Variants in CACNA1B observed in about 807,000 individuals in gnomAD.
CACNA1B encodes voltage-dependent N-type calcium channel subunit alpha-1B.
CACNA1B carries 70 observed loss-of-function variants against 247.2 expected under a neutral mutation model. That is an observed-to-expected ratio of 0.28 (90% CI 0.23 to 0.35). CACNA1B has a LOEUF of 0.35. Among genes scored for constraint, CACNA1B ranks in the 10% least tolerant of loss-of-function variants. The pLI, the probability that CACNA1B is intolerant of heterozygous loss-of-function variation, is 1.00. For missense variants in CACNA1B, 2,367 were observed against 3,197.4 expected (o/e 0.74, Z 6.26); for synonymous variants, 1,231 against 1,294.4 (o/e 0.95, Z 1.05).
At position 137,880,257 on chromosome 9, in the gene CACNA1B, C is replaced by A. The variant is rs906775150; in HGVS notation, c.390+1098C>A. On this transcript the variant is annotated intron_variant, in intron 2 of 46. Coordinates refer to ENST00000371372, the MANE Select transcript of CACNA1B (RefSeq NM_000718.4). The surrounding 1 kb of genome is among the most constrained non-coding windows in gnomAD (Gnocchi z 4.8). ...CCGAGGTGAGGAGGTCTTAATGGAG[C>A]ACAGTCTGGAATGCCCAGTGGTCTG... Among the ~76,000 whole-genome samples, 3 of 152,092 alleles carry A rather than the reference C, an allele frequency of 2.0e-5. No individual in the cohort carries two copies. Among genetic ancestry groups the A allele is most frequent in the African/African-American group, 7.2e-5 (3 of 41,410 alleles).
At chr9:137,920,511 T>C (rs997833667) in intron 6 of CACNA1B, among the ~76,000 whole-genome samples, 1 of 152,228 alleles carries the variant, frequency 6.6e-6, no homozygotes, top group Non-Finnish European at 1.5e-5. Context: ...CACTTTCAAC[T>C]GCCGAGTTGA....
chr9:137,912,724 T>C (rs1349513007), intron 3 of CACNA1B, among the ~76,000 whole-genome samples: 2 of 151,544 alleles, frequency 1.3e-5, no homozygotes, highest in Non-Finnish European at 2.9e-5. Context: ...TATATGGGGG[T>C]CGGTTCAGGA....
At chr9:137,883,778 A>T (rs867347813) in intron 3 of CACNA1B, among the ~76,000 whole-genome samples, 214 of 152,222 alleles carry the variant, frequency 1.4e-3, no homozygotes, top group Middle Eastern at 3.4e-3. Context: ...CCTGAGCCTT[A>T]TGGTTCCGAG....
At chr9:138,114,181 G>A (rs1961771695) in intron 40 of CACNA1B, among the ~76,000 whole-genome samples, 197 bp from the exon 41 acceptor site, 1 of 152,152 alleles carries the variant, frequency 6.6e-6, no homozygotes, top group Non-Finnish European at 1.5e-5. Flanking sequence ...GTCAGCATCT[G>A]GAGGAGCCCT....
intron 12 of CACNA1B, among the ~76,000 whole-genome samples, 164 bp downstream of exon 12, chr9:137,976,183 C>T (rs1031062605): frequency 1.3e-5 from 2 of 152,278 alleles, no homozygotes; most frequent in African/African-American, 4.8e-5. Context: ...CAGCGGGAGG[C>T]CTGTCCTGGC....
At chr9:138,042,846 G>T (rs748824205) in intron 20 of CACNA1B, among the ~76,000 whole-genome samples, 22 of 152,120 alleles carry the variant, frequency 1.4e-4, no homozygotes, top group Non-Finnish European at 3.1e-4. Flanking sequence ...TCCACAGCGG[G>T]CTCTGGGGAT....
rs1475742841 is a variant in CACNA1B, at chr9:138,120,804, C to A, written c.6412C>A (p.Pro2138Thr). 6.4e-7 allele frequency: 1 copy of A among 1,558,748 alleles called. No homozygotes were observed. Among genetic ancestry groups the A allele is most frequent in the Admixed American group, 1.9e-5 (1 of 51,312 alleles). Residue 2138 changes from proline (P) to threonine (T), a missense_variant, in exon 46 of 47, where the codon CCC becomes ACC. Transcript: ENST00000371372. Reference sequence around the variant, plus strand: ...CTGCGACCGCTTTGGGGGCCGTGAGCCCCCGAAGCCCAAGCCCTCCCTCAG... The same window carrying A: ...CTGCGACCGCTTTGGGGGCCGTGAGACCCCGAAGCCCAAGCCCTCCCTCAG... ...YSCDRFGGRE[P>T]PKPKPSLSSH...
intron 37 of CACNA1B, among the ~76,000 whole-genome samples, chr9:138,099,750 C>T (rs927703752): frequency 6.6e-6 from 1 of 152,204 alleles, no homozygotes; most frequent in African/African-American, 2.4e-5. Flanking sequence ...GCGCATGTGC[C>T]TGTGTCGGTG....
chr9:137,880,504 G>T lies in CACNA1B; in HGVS notation c.390+1345G>T, dbSNP rs186679489. Among the ~76,000 whole-genome samples, 197 of 152,358 alleles carry T rather than the reference G, an allele frequency of 1.3e-3. No individual in the cohort carries two copies. Among genetic ancestry groups the T allele is most frequent in the Non-Finnish European group, 2.6e-3 (178 of 68,022 alleles). On this transcript the variant is annotated intron_variant, in intron 2 of 46. Coordinates refer to ENST00000371372, the MANE Select transcript of CACNA1B (RefSeq NM_000718.4). The surrounding 1 kb of genome is among the most constrained non-coding windows in gnomAD (Gnocchi z 4.8). ...CCAGGGTCAGAGGGACGCAGGCCCA[G>T]GAGCCAGGCCGGGGCGGGGGCAGGG...
At chr9:138,033,352 A>G (rs918612579) in intron 20 of CACNA1B, among the ~76,000 whole-genome samples, 1 of 151,564 alleles carries the variant, frequency 6.6e-6, no homozygotes, top group Admixed American at 6.6e-5. Flanking sequence ...GGTGTTTTTA[A>G]AATCTTTGTC....
At chr9:138,068,150 A>G (rs1262823851) in intron 31 of CACNA1B, among the ~76,000 whole-genome samples, 1 of 152,216 alleles carries the variant, frequency 6.6e-6, no homozygotes, top group Non-Finnish European at 1.5e-5. Flanking sequence ...AACAAAGGCC[A>G]GGGACAGGCA....
At chr9:138,107,218 TTTTATTTATTTATTTATTTA>T (rs56043117) in intron 39 of CACNA1B, among the ~76,000 whole-genome samples, 4 of 135,742 alleles carry the variant, frequency 2.9e-5, no homozygotes, top group Admixed American at 7.6e-5. Context: ...AATCATCTTA[TTTTATTTATTTATTTATTTA>T]TTTATTTATT....
intron 10 of CACNA1B, among the ~76,000 whole-genome samples, chr9:137,962,969 T>C (rs1174588208): frequency 6.6e-6 from 1 of 152,170 alleles, no homozygotes; most frequent in Non-Finnish European, 1.5e-5. Flanking sequence ...CTGCCTAATA[T>C]TGTTGGTAGG....
At position 137,975,828 on chromosome 9, in the gene CACNA1B, C is replaced by A. The variant is rs948505600; in HGVS notation, c.1544-79C>A. On this transcript the variant is annotated intron_variant, in intron 11 of 46. Transcript: ENST00000371372. ...CTCAGCCCTGGGAAGGCCCAGAGGT[C>A]TGGTGTCCTCCAGTCTGGGCTGGAG... The A allele has an allele frequency of 1.4e-5, 12 of 834,812 alleles. No homozygotes were observed. The African/African-American group carries it at 2.0e-4, about 14-fold the overall frequency. The allele number at this position is 834,812 out of a possible 1,614,324, so 51.7% of individuals were successfully genotyped here.
chr9:137,918,212 G>GA (rs386416473), intron 6 of CACNA1B, among the ~76,000 whole-genome samples: 1 of 151,974 alleles, frequency 6.6e-6, no homozygotes, highest in South Asian at 2.1e-4. Flanking sequence ...ATAAGGCTTG[G>GA]GGGGGGTGCC....
chr9:138,103,562 C>T (rs1251028873), intron 38 of CACNA1B, among the ~76,000 whole-genome samples: 1 of 152,158 alleles, frequency 6.6e-6, no homozygotes, highest in Non-Finnish European at 1.5e-5. Context: ...AAGCAGATCA[C>T]ATGGCCCAGC....
At chr9:137,975,884 C>T (rs772786373) in intron 11 of CACNA1B, 23 bp from the exon 12 acceptor site, 3 of 1,452,634 alleles carry the variant, frequency 2.1e-6, no homozygotes, top group East Asian at 4.6e-5. Context: ...GAGCTAATCC[C>T]CCTCTTCTCC....
chr9:137,926,648 C>A (rs998714505), intron 6 of CACNA1B, among the ~76,000 whole-genome samples: 6 of 152,194 alleles, frequency 3.9e-5, no homozygotes, highest in Non-Finnish European at 1.5e-5. Context: ...ACATTCCCAC[C>A]TTTTGGTGGG....
chr9:138,069,496 A>G (rs1457990268), intron 31 of CACNA1B, among the ~76,000 whole-genome samples: 1 of 152,254 alleles, frequency 6.6e-6, no homozygotes, highest in Non-Finnish European at 1.5e-5. Context: ...TATTTTAAGA[A>G]AAATAATGCA....
Sources: allele counts gnomAD v4.1 joint callset (sites outside exome capture counted in the v4.1 genomes callset), GRCh38; gene constraint gnomAD v4.1.1; non-coding constraint Gnocchi (gnomAD v3.1); transcripts MANE v1.5; gene names NCBI Gene and HGNC (gene_info 2026-07-23, HGNC 2026-07-21).